GNAL: variants seen among roughly 807,000 people sequenced by gnomAD.
GNAL encodes the protein G protein subunit alpha L, also known as guanine nucleotide-binding protein G(olf) subunit alpha.
GNAL carries 18 observed loss-of-function variants against 55.1 expected under a neutral mutation model. That is an observed-to-expected ratio of 0.33 (90% confidence interval 0.23 to 0.48). The LOEUF (loss-of-function observed/expected upper bound fraction) is 0.48, where lower values mean the gene tolerates loss of function less well. Ranked by LOEUF, GNAL falls within the 20% of genes least tolerant of loss-of-function variation. GNAL has a pLI of 0.99. For synonymous variants in GNAL, 253 were observed against 237.0 expected (o/e 1.07, Z -0.62); for missense variants, 412 against 614.1 (o/e 0.67, Z 3.48).
At chr18:11,839,521 C>T (rs1408823435) in intron 5 of GNAL, among the ~76,000 whole-genome samples, 1 of 118,942 alleles carries the variant, frequency 8.4e-6, no homozygotes, top group Non-Finnish European at 1.6e-5. Context: ...TCACTGCACT[C>T]CAGCCTGGGT....
intron 1 of GNAL, among the ~76,000 whole-genome samples, chr18:11,742,574 C>T (rs556153732): frequency 2.6e-5 from 4 of 152,374 alleles, no homozygotes; most frequent in South Asian, 2.1e-4. Flanking sequence ...GCCAAGAACA[C>T]GCATTCTGGG....
At position 11,788,897 on chromosome 18, in the gene GNAL, G is replaced by GAAAAAAAAAA. The variant is rs1162398867; in HGVS notation, c.624+34961_624+34970dup. 7.1e-3 allele frequency among the ~76,000 whole-genome samples: 582 copies of GAAAAAAAAAA among 82,428 alleles called. 5 individuals are homozygous for GAAAAAAAAAA. Among genetic ancestry groups the GAAAAAAAAAA allele is most frequent in the Non-Finnish European group, 7.5e-3 (377 of 50,208 alleles). 54.1% of individuals were successfully genotyped at this position (82,428 alleles called of 152,430 possible). A position where few individuals can be genotyped will look rare whatever the true frequency, so the allele number is the denominator to read the frequency against. The stretch of plus-strand genomic sequence containing the variant: ...AGGAGACAGAGCAAGACTCCGTCTC[G>GAAAAAAAAAA]AAAAAAAAAAAAAAAAAATATATAT... On this transcript the variant is annotated intron_variant, in intron 4 of 11. Transcript: ENST00000334049.
chr18:11,778,824 G>C (rs1041303782), intron 4 of GNAL, among the ~76,000 whole-genome samples: 1 of 152,040 alleles, frequency 6.6e-6, no homozygotes, highest in Admixed American at 6.6e-5. Context: ...TCATGGTTCA[G>C]ATGTTCCAGA....
chr18:11,722,049 G>T (rs12604626), intron 1 of GNAL, among the ~76,000 whole-genome samples: 39,462 of 151,998 alleles, frequency 0.26, 5,985 homozygotes, highest in East Asian at 0.69. Flanking sequence ...GAGCATCATC[G>T]GTGTTAACAT....
At position 11,765,144 on chromosome 18, in the gene GNAL, G is replaced by A. The variant is rs147551179; in HGVS notation, c.624+11199G>A. Among the ~76,000 whole-genome samples the A allele has an allele frequency of 2.7e-3, 415 of 152,226 alleles. 4 individuals are homozygous for A. The highest frequency in any genetic ancestry group is 9.5e-3 in the African/African-American group (394 of 41,532). On this transcript the variant is annotated intron_variant, in intron 4 of 11. Transcript: ENST00000334049. The stretch of plus-strand genomic sequence containing the variant: ...CACATGGAGGACCAGCCACAACAGC[G>A]ACCTCTCAAACTCACCAGCACACCA...
At chr18:11,873,550 TCTCCGCACCCGC>T (rs1169215824) in intron 10 of GNAL, among the ~76,000 whole-genome samples, 2 of 152,174 alleles carry the variant, frequency 1.3e-5, no homozygotes, top group Non-Finnish European at 2.9e-5. Context: ...CCACCAGCAG[TCTCCGCACCCGC>T]CAGAGGGTCA....
chr18:11,716,971 G>A (rs941798149), intron 1 of GNAL, among the ~76,000 whole-genome samples: 35 of 152,358 alleles, frequency 2.3e-4, no homozygotes, highest in African/African-American at 7.7e-4. Context: ...TTAGGTGGTC[G>A]ATGGGACTGG....
intron 10 of GNAL, 152 bp from the exon 11 acceptor site, chr18:11,876,469 A>G (rs1310476375): frequency 3.2e-6 from 2 of 626,128 alleles, no homozygotes; most frequent in Non-Finnish European, 5.7e-6. Context: ...TCTCTTAAAA[A>G]AAAAAGTACA....
At chr18:11,824,065 G>A (rs60031367) in intron 4 of GNAL, among the ~76,000 whole-genome samples, 9,672 of 151,862 alleles carry the variant, frequency 0.064, 458 homozygotes, top group African/African-American at 0.13. Context: ...TTTTTTAAAC[G>A]AAAAAAGAAA....
intron 7 of GNAL, among the ~76,000 whole-genome samples, chr18:11,866,321 A>G (rs1360003034): frequency 1.3e-5 from 2 of 150,502 alleles, no homozygotes; most frequent in East Asian, 1.9e-4. Context: ...GATCAGCAAC[A>G]TACCCGCCCA....
chr18:11,835,273 C>A (rs2035474696), intron 5 of GNAL, among the ~76,000 whole-genome samples: 1 of 151,254 alleles, frequency 6.6e-6, no homozygotes. Context: ...TGAAATACAT[C>A]AAAAATAAGA....
At chr18:11,771,858 G>A (rs2033645616) in intron 4 of GNAL, among the ~76,000 whole-genome samples, 1 of 152,172 alleles carries the variant, frequency 6.6e-6, no homozygotes, top group Non-Finnish European at 1.5e-5. Context: ...GGAATTACAG[G>A]TGTGTGACAC....
chr18:11,864,086 C>CTTTTTT (rs3981355), intron 6 of GNAL, among the ~76,000 whole-genome samples: 1,502 of 128,970 alleles, frequency 0.012, 79 homozygotes, highest in African/African-American at 0.043. Context: ...CGTCTGAGTT[C>CTTTTTT]TTTTTTTTTT....
chr18:11,817,750 G>GCCTA (rs2034995913), intron 4 of GNAL, among the ~76,000 whole-genome samples: 1 of 150,140 alleles, frequency 6.7e-6, no homozygotes, highest in Non-Finnish European at 1.5e-5. Flanking sequence ...CACAACACCG[G>GCCTA]GCTAATTTTT....
chr18:11,848,560 G>A (rs908487264), intron 5 of GNAL, among the ~76,000 whole-genome samples: 1 of 150,956 alleles, frequency 6.6e-6, no homozygotes, highest in East Asian at 1.9e-4. Flanking sequence ...CAGTTCAAGC[G>A]ATTCTCCTGT....
intron 1 of GNAL, among the ~76,000 whole-genome samples, chr18:11,699,806 A>G (rs954456505): frequency 2.6e-5 from 4 of 152,156 alleles, no homozygotes; most frequent in African/African-American, 9.7e-5. Flanking sequence ...CCCACAGAAT[A>G]TACAACGCCA....
chr18:11,861,843 G>T (rs561734259), intron 5 of GNAL, among the ~76,000 whole-genome samples: 2 of 152,040 alleles, frequency 1.3e-5, no homozygotes, highest in Admixed American at 1.3e-4. Context: ...TCACGTTCTC[G>T]CTCTCGCACA....
chr18:11,692,684 G>A (rs2031287534), intron 1 of GNAL, among the ~76,000 whole-genome samples: 1 of 151,994 alleles, frequency 6.6e-6, no homozygotes, highest in African/African-American at 2.4e-5. Flanking sequence ...TGAGAAGCTG[G>A]GGCTGGTGGA....
chr18:11,758,167 A>T (rs2033123643), intron 4 of GNAL, among the ~76,000 whole-genome samples: 1 of 152,198 alleles, frequency 6.6e-6, no homozygotes. Flanking sequence ...GGTCCGGAAC[A>T]AAAAAGGACC....
Sources: gnomAD v4.1 joint callset for allele counts (sites outside exome capture counted in the v4.1 genomes callset) on GRCh38, gnomAD v4.1.1 for gene constraint, MANE v1.5 for transcripts, NCBI Gene and HGNC (gene_info 2026-07-23, HGNC 2026-07-21) for gene names.